Variants in PRKD1 observed in about 807,000 individuals in gnomAD.
PRKD1 encodes serine/threonine-protein kinase D1.
Under a neutral mutation model 95.9 loss-of-function variants are expected in PRKD1, and 63 were observed. That is an observed-to-expected ratio of 0.66 (90% CI 0.54 to 0.81). PRKD1 has a LOEUF of 0.81. Ranked by LOEUF, PRKD1 falls within the 30% of genes least tolerant of loss-of-function variation. The probability of loss-of-function intolerance (pLI) is 0.00; values close to 1 mark genes in which losing one functional copy is unlikely to be tolerated. For missense variants in PRKD1, 1,048 were observed against 1,165.3 expected, an observed-to-expected ratio of 0.90 and a Z score of 1.47; for synonymous variants, 425 against 423.1, an observed-to-expected ratio of 1.00 and a Z score of -0.05.
chr14:29,755,181 C>T (rs976829788), intron 1 of PRKD1, among the ~76,000 whole-genome samples: 15 of 152,112 alleles, frequency 9.9e-5, no homozygotes, highest in African/African-American at 3.6e-4. Context: ...AATTCTGTGT[C>T]TGCTTTTTAA....
At position 29,630,716 on chromosome 14, in the gene PRKD1, G is replaced by A. The variant is rs1353624190; in HGVS notation, c.1672+26C>T. On this transcript the variant is annotated intron_variant, in intron 10 of 17. Transcript: ENST00000331968. Reference sequence around the variant, plus strand: ...GGGGTAGGCACATGATGAGCTTTGGGCTGGTTAGAAAACTGGCAGACTCAC... The same window carrying A: ...GGGGTAGGCACATGATGAGCTTTGGACTGGTTAGAAAACTGGCAGACTCAC... 1.7e-5 allele frequency: 27 copies of A among 1,613,690 alleles called. 1 individual carries two copies. Among genetic ancestry groups the A allele is most frequent in the Admixed American group, 1.0e-4 (6 of 59,970 alleles).
At chr14:29,664,050 C>G (rs1882343392) in intron 3 of PRKD1, among the ~76,000 whole-genome samples, 191 bp from the exon 4 acceptor site, 2 of 151,854 alleles carry the variant, frequency 1.3e-5, no homozygotes, top group South Asian at 4.2e-4. Context: ...GAATTCTGAT[C>G]TTATTGCACA....
chr14:29,596,880 T>C (rs1057224597), intron 16 of PRKD1, among the ~76,000 whole-genome samples: 4 of 152,198 alleles, frequency 2.6e-5, no homozygotes, highest in African/African-American at 9.7e-5. Flanking sequence ...GAAGGAAATA[T>C]TTATTAAGAA....
chr14:29,858,724 T>G (rs117357882), intron 1 of PRKD1, among the ~76,000 whole-genome samples: 6 of 152,180 alleles, frequency 3.9e-5, no homozygotes, highest in Admixed American at 1.3e-4. Context: ...TGCTCTTTTT[T>G]AAGTACCTTA....
intron 16 of PRKD1, among the ~76,000 whole-genome samples, chr14:29,583,676 G>A (rs1442387770): frequency 6.7e-6 from 1 of 149,626 alleles, no homozygotes; most frequent in African/African-American, 2.4e-5. Context: ...CCGGGCATGT[G>A]GGAAGTCTTT....
intron 2 of PRKD1, among the ~76,000 whole-genome samples, chr14:29,681,516 A>G (rs1883539288): frequency 6.6e-6 from 1 of 152,244 alleles, no homozygotes. Flanking sequence ...GGAAGAATGA[A>G]TAAGCTGTCT....
At chr14:29,675,603 A>C (rs561106564) in intron 2 of PRKD1, among the ~76,000 whole-genome samples, 1 of 152,288 alleles carries the variant, frequency 6.6e-6, no homozygotes, top group East Asian at 1.9e-4. Context: ...TAGAAACACC[A>C]TTTGACCCAG....
chr14:29,671,847 A>T (rs45561738), intron 2 of PRKD1, among the ~76,000 whole-genome samples: 3,913 of 152,312 alleles, frequency 0.026, 141 homozygotes, highest in African/African-American at 0.078. Context: ...AATAGAAAAA[A>T]GTAACAGAAG....
chr14:29,738,623 C>T (rs540642723), intron 1 of PRKD1, among the ~76,000 whole-genome samples: 25 of 152,110 alleles, frequency 1.6e-4, no homozygotes, highest in Non-Finnish European at 2.4e-4. Flanking sequence ...TTCTGAGCCA[C>T]GGGCATGCTG....
chr14:29,871,947 A>G (rs1893123731), intron 1 of PRKD1, among the ~76,000 whole-genome samples: 1 of 152,244 alleles, frequency 6.6e-6, no homozygotes, highest in Non-Finnish European at 1.5e-5. Flanking sequence ...TGAAAGATGT[A>G]AAACACTCTT....
intron 6 of PRKD1, among the ~76,000 whole-genome samples, chr14:29,637,165 TG>T (rs1880440677): frequency 6.6e-6 from 1 of 151,806 alleles, no homozygotes; most frequent in Admixed American, 6.6e-5. Flanking sequence ...ACAGCCCTGG[TG>T]GGAAAAAAAA....
chr14:29,662,049 G>T (rs1367071358), intron 4 of PRKD1, among the ~76,000 whole-genome samples: 1 of 151,818 alleles, frequency 6.6e-6, no homozygotes, highest in East Asian at 1.9e-4. Flanking sequence ...GCTTTAATTT[G>T]GTTTTATTGC....
intron 1 of PRKD1, among the ~76,000 whole-genome samples, chr14:29,771,719 A>G (rs1594502983): frequency 6.6e-6 from 1 of 152,110 alleles, no homozygotes; most frequent in African/African-American, 2.4e-5. Flanking sequence ...TGAGTATGCC[A>G]CTCCAACCCA....
intron 1 of PRKD1, among the ~76,000 whole-genome samples, chr14:29,790,899 T>G (rs1889514805): frequency 6.6e-6 from 1 of 152,150 alleles, no homozygotes; most frequent in African/African-American, 2.4e-5. Context: ...GTTACAGAGG[T>G]GTACAGGATG....
At chr14:29,713,993 GAT>G (rs536903003) in intron 2 of PRKD1, among the ~76,000 whole-genome samples, 306 of 152,188 alleles carry the variant, frequency 2.0e-3, no homozygotes, top group Middle Eastern at 6.8e-3. Context: ...AATTAAATAA[GAT>G]ATAGAAAATT....
intron 7 of PRKD1, among the ~76,000 whole-genome samples, chr14:29,635,545 G>A (rs1487691157): frequency 1.3e-5 from 2 of 152,126 alleles, no homozygotes; most frequent in Non-Finnish European, 2.9e-5. Context: ...AATAAACATG[G>A]CATTCGTAAA....
chr14:29,924,742 G>A (rs1384143283), intron 1 of PRKD1, among the ~76,000 whole-genome samples: 1 of 151,858 alleles, frequency 6.6e-6, no homozygotes, highest in Non-Finnish European at 1.5e-5. Flanking sequence ...CATAGCTGAC[G>A]TCCTCATAAG....
intron 4 of PRKD1, among the ~76,000 whole-genome samples, chr14:29,656,022 G>A (rs1376400891): frequency 1.3e-5 from 2 of 151,994 alleles, no homozygotes; most frequent in African/African-American, 4.8e-5. Flanking sequence ...TACTGGGATG[G>A]TGTCCTCACT....
intron 2 of PRKD1, among the ~76,000 whole-genome samples, chr14:29,669,211 T>A (rs770335251): frequency 2.0e-4 from 30 of 152,150 alleles, no homozygotes; most frequent in Non-Finnish European, 3.4e-4. Flanking sequence ...GATCAAAAAT[T>A]CTTTTAGTAT....
Sources: gnomAD v4.1 joint callset for allele counts (sites outside exome capture counted in the v4.1 genomes callset) on GRCh38, gnomAD v4.1.1 for gene constraint, MANE v1.5 for transcripts, NCBI Gene and HGNC (gene_info 2026-07-23, HGNC 2026-07-21) for gene names.